SLC25A31: variants seen among roughly 807,000 people sequenced by gnomAD.
SLC25A31 encodes solute carrier family 25 member 31.
SLC25A31 carries 40 observed loss-of-function variants against 36.2 expected under a neutral mutation model. The ratio of observed to expected loss-of-function variants is 1.10; its 90% CI spans 0.86 to 1.44. The LOEUF (loss-of-function observed/expected upper bound fraction) is 1.44, where lower values mean the gene tolerates loss of function less well. SLC25A31 is among the 40% of genes most tolerant of loss of function. The pLI, the probability that SLC25A31 is intolerant of heterozygous loss-of-function variation, is 0.00. For missense variants in SLC25A31, 350 were observed against 397.1 expected, an observed-to-expected ratio of 0.88 and a Z score of 1.01; for synonymous variants, 143 against 149.7, an observed-to-expected ratio of 0.96 and a Z score of 0.32.
chr4:127,740,188 G>C (rs569975320), intron 1 of SLC25A31, among the ~76,000 whole-genome samples: 1 of 152,226 alleles, frequency 6.6e-6, no homozygotes, highest in African/African-American at 2.4e-5. Flanking sequence ...GGAGACACTA[G>C]TGCTTCCAAT....
At chr4:127,751,560 A>T (rs1731933325) in intron 2 of SLC25A31, among the ~76,000 whole-genome samples, 1 of 152,254 alleles carries the variant, frequency 6.6e-6, no homozygotes, top group Non-Finnish European at 1.5e-5. Context: ...ACACAAGCCA[A>T]AATTGACAAA....
chr4:127,752,113 T>C (rs1428543986), intron 2 of SLC25A31, among the ~76,000 whole-genome samples: 4 of 152,226 alleles, frequency 2.6e-5, no homozygotes, highest in Non-Finnish European at 5.9e-5. Context: ...TAAAGACACA[T>C]GCATACGTAT....
intron 1 of SLC25A31, among the ~76,000 whole-genome samples, chr4:127,738,380 G>A (rs1037261081): frequency 2.0e-5 from 3 of 152,288 alleles, no homozygotes; most frequent in Non-Finnish European, 1.5e-5. Context: ...GAGCCACCAC[G>A]CCTGGCCCAA....
chr4:127,752,619 G>A (rs1274686496), intron 2 of SLC25A31, among the ~76,000 whole-genome samples: 1 of 151,294 alleles, frequency 6.6e-6, no homozygotes, highest in African/African-American at 2.4e-5. Flanking sequence ...GAGCAGAGGT[G>A]GCTATACTTA....
chr4:127,768,901 G>A lies in SLC25A31; in HGVS notation c.759+24G>A, dbSNP rs776865368. 7.7e-6 allele frequency: 12 copies of A among 1,555,210 alleles called. No individual in the cohort carries two copies. In the Admixed American group the frequency reaches 1.1e-4, roughly 14 times the overall value. Reference sequence around the variant, plus strand: ...AGGTATTTTATGTTATTGTTTCTAAGCTTAGTTGAGTTTTTAATATCTCTG... The same window carrying A: ...AGGTATTTTATGTTATTGTTTCTAAACTTAGTTGAGTTTTTAATATCTCTG... On this transcript the variant is annotated intron_variant, in intron 5 of 5. Coordinates refer to ENST00000281154, the MANE Select transcript of SLC25A31 (RefSeq NM_031291.4).
intron 2 of SLC25A31, among the ~76,000 whole-genome samples, chr4:127,759,965 G>T (rs1396489669): frequency 6.6e-6 from 1 of 152,094 alleles, no homozygotes; most frequent in Non-Finnish European, 1.5e-5. Context: ...TATAGTGATG[G>T]AAAAAAGAAT....
chr4:127,760,565 T>C (rs1035051944), intron 2 of SLC25A31, among the ~76,000 whole-genome samples: 2 of 152,238 alleles, frequency 1.3e-5, no homozygotes, highest in Admixed American at 6.5e-5. Flanking sequence ...CCCAGCTCTC[T>C]TCCTTGTCCA....
At chr4:127,751,475 G>A (rs910181408) in intron 2 of SLC25A31, among the ~76,000 whole-genome samples, 3 of 152,128 alleles carry the variant, frequency 2.0e-5, no homozygotes, top group Non-Finnish European at 4.4e-5. Flanking sequence ...AACCCTAGAA[G>A]AAAACCTAGG....
In SLC25A31 at chr4:127,770,744, G is replaced by A. The variant is rs1020024970; in HGVS notation, c.759+1867G>A. Among the ~76,000 whole-genome samples the A allele has an allele frequency of 2.6e-5, 4 of 152,050 alleles. No individual in the cohort carries two copies. In the East Asian group the frequency reaches 7.7e-4, roughly 29 times the overall value. On this transcript the variant is annotated intron_variant, in intron 5 of 5. Transcript: ENST00000281154. Reference sequence around the variant, plus strand: ...ATGGGAATATGAGTCTTATATGTGTGTGTGTATTAGTTTGCTAGGGCTGGT... The same window carrying A: ...ATGGGAATATGAGTCTTATATGTGTATGTGTATTAGTTTGCTAGGGCTGGT...
intron 2 of SLC25A31, among the ~76,000 whole-genome samples, chr4:127,758,329 G>A (rs1732068073): frequency 6.6e-6 from 1 of 152,122 alleles, no homozygotes; most frequent in Admixed American, 6.6e-5. Context: ...TTTTAATGGG[G>A]TTATTTGGTT....
At chr4:127,735,880 A>ATTTTT (rs1345012855) in intron 1 of SLC25A31, among the ~76,000 whole-genome samples, 1 of 70,052 alleles carries the variant, frequency 1.4e-5, no homozygotes, top group African/African-American at 5.2e-5. Context: ...TTATTTATTT[A>ATTTTT]TTTATTTATT....
intron 3 of SLC25A31, among the ~76,000 whole-genome samples, chr4:127,764,674 C>T (rs915349091): frequency 6.6e-6 from 1 of 152,064 alleles, no homozygotes; most frequent in African/African-American, 2.4e-5. Context: ...CTGTGGCTCC[C>T]TTCTAGGTTA....
intron 1 of SLC25A31, among the ~76,000 whole-genome samples, chr4:127,731,219 G>A (rs1731519316): frequency 6.6e-6 from 1 of 152,144 alleles, no homozygotes; most frequent in African/African-American, 2.4e-5. Context: ...AAATCTATAT[G>A]TATATTTGTT....
intron 2 of SLC25A31, among the ~76,000 whole-genome samples, chr4:127,754,887 T>C (rs1233317803): frequency 6.6e-6 from 1 of 152,200 alleles, no homozygotes; most frequent in Non-Finnish European, 1.5e-5. Flanking sequence ...TCATACCACC[T>C]GGTTTTAAAA....
chr4:127,762,666 C>G (rs545915542), intron 2 of SLC25A31, among the ~76,000 whole-genome samples: 7 of 152,196 alleles, frequency 4.6e-5, no homozygotes, highest in Non-Finnish European at 8.8e-5. Flanking sequence ...CACCTGTAAT[C>G]CCAGCACTTT....
intron 1 of SLC25A31, among the ~76,000 whole-genome samples, chr4:127,742,011 C>G (rs1318179299): frequency 6.6e-6 from 1 of 152,032 alleles, no homozygotes; most frequent in Non-Finnish European, 1.5e-5. Flanking sequence ...CTTGACTCTC[C>G]TCTCTTTTTT....
intron 5 of SLC25A31, among the ~76,000 whole-genome samples, chr4:127,769,232 T>G (rs994153894): frequency 1.3e-5 from 2 of 152,216 alleles, no homozygotes; most frequent in Non-Finnish European, 2.9e-5. Context: ...TTTCATTATT[T>G]ATTGTAATAT....
chr4:127,759,283 GGT>G (rs947568070), intron 2 of SLC25A31, among the ~76,000 whole-genome samples: 2 of 150,448 alleles, frequency 1.3e-5, no homozygotes, highest in African/African-American at 4.9e-5. Context: ...GAATGCTATT[GGT>G]GTGTAGAAAT....
chr4:127,736,136 G>A (rs1415846486), intron 1 of SLC25A31, among the ~76,000 whole-genome samples: 1 of 151,724 alleles, frequency 6.6e-6, no homozygotes, highest in Non-Finnish European at 1.5e-5. Flanking sequence ...TGATCCGCCC[G>A]CCTCGGCCTC....
Sources: allele counts gnomAD v4.1 joint callset (sites outside exome capture counted in the v4.1 genomes callset), GRCh38; gene constraint gnomAD v4.1.1; transcripts MANE v1.5; gene names NCBI Gene and HGNC (gene_info 2026-07-23, HGNC 2026-07-21).